The following PUDP variants were observed in gnomAD, a reference collection of about 807,000 sequenced individuals.
PUDP encodes pseudouridine-5'-phosphatase.
PUDP carries 8 observed loss-of-function variants against 9.4 expected under a neutral mutation model. That is an observed-to-expected ratio of 0.85 (90% CI 0.50 to 1.53). The LOEUF is 1.53. Ranked by LOEUF, PUDP falls within the 40% of genes most tolerant of loss-of-function variation. PUDP has a pLI of 0.00. For missense variants in PUDP, 188 were observed against 189.7 expected (o/e 0.99, Z 0.05); for synonymous variants, 99 against 80.7 (o/e 1.23, Z -1.22).
At chrX:6,980,677 A>C (rs1257208245) in intron 1 of PUDP, among the ~76,000 whole-genome samples, 6 of 111,014 alleles carry the variant, frequency 5.4e-5, no homozygotes, top group African/African-American at 1.3e-4. Flanking sequence ...AAAAAAAAAA[A>C]AACAACAAGA....
At chrX:7,069,612 G>C (rs1930670215) in intron 3 of PUDP, among the ~76,000 whole-genome samples, 1 of 110,905 alleles carries the variant, frequency 9.0e-6, no homozygotes, top group Non-Finnish European at 1.9e-5. Flanking sequence ...TGCCACAGTG[G>C]CATGAGGGTT....
At chrX:6,793,037 A>C (rs1178497635) in intron 3 of PUDP, among the ~76,000 whole-genome samples, 4 of 112,325 alleles carry the variant, frequency 3.6e-5, no homozygotes, top group Non-Finnish European at 7.5e-5. Context: ...GTAATTTATA[A>C]AGAGTAGAAA....
chrX:6,730,814 G>A (rs748371811), intron 3 of PUDP, among the ~76,000 whole-genome samples: 37 of 111,987 alleles, frequency 3.3e-4, no homozygotes, highest in Admixed American at 3.1e-3. Context: ...CTAGAAGTGA[G>A]GCACCAAGTG....
At chrX:7,025,970 G>T (rs1374669880) in intron 1 of PUDP, among the ~76,000 whole-genome samples, 2 of 112,302 alleles carry the variant, frequency 1.8e-5, no homozygotes, top group Non-Finnish European at 3.8e-5. Flanking sequence ...GAAAGGGAAG[G>T]TAGGCACACC....
chrX:7,144,960 T>C (rs1932833179), intron 1 of PUDP, among the ~76,000 whole-genome samples: 1 of 111,146 alleles, frequency 9.0e-6, no homozygotes, highest in African/African-American at 3.3e-5. Context: ...ACCCACCCTC[T>C]GCCTGACCCT....
intron 3 of PUDP, among the ~76,000 whole-genome samples, chrX:6,758,458 G>A (rs1233348740): frequency 1.8e-5 from 2 of 111,749 alleles, no homozygotes; most frequent in Non-Finnish European, 3.8e-5. Flanking sequence ...GCGAGACTCT[G>A]TCTCAAAACA....
At chrX:7,125,655 A>G (rs1286612994) in intron 1 of PUDP, among the ~76,000 whole-genome samples, 14 of 112,013 alleles carry the variant, frequency 1.2e-4, no homozygotes, top group Non-Finnish European at 2.1e-4. Context: ...GAGAATGGGT[A>G]ATTTATAAAG....
At chrX:7,068,629 C>A (rs764850533) in intron 3 of PUDP, among the ~76,000 whole-genome samples, 2 of 112,093 alleles carry the variant, frequency 1.8e-5, no homozygotes, top group Non-Finnish European at 3.8e-5. Context: ...TGGCTGCAGA[C>A]GGCATGTGAG....
chrX:7,119,686 C>T lies in PUDP; in HGVS notation c.62-13848G>A, dbSNP rs188150105. Among the ~76,000 whole-genome samples, 13 of 112,309 alleles carry T rather than the reference C, an allele frequency of 1.2e-4. No individual in the cohort carries two copies. The Admixed American group carries it at 1.2e-3, about 11-fold the overall frequency. The stretch of plus-strand genomic sequence containing the variant: ...ATTAGCATGTGGCATAATTCACAGG[C>T]ATTAGCAATTCTATTTAATAGGTAT... On this transcript the variant is annotated intron_variant, in intron 1 of 3. Coordinates refer to ENST00000381077, the MANE Select transcript of PUDP (RefSeq NM_012080.5).
intron 1 of PUDP, among the ~76,000 whole-genome samples, chrX:6,708,970 G>T (rs927199723): frequency 8.9e-6 from 1 of 112,095 alleles, no homozygotes; most frequent in Non-Finnish European, 1.9e-5. Flanking sequence ...GTGCTCACAG[G>T]TATATATATT....
intron 1 of PUDP, among the ~76,000 whole-genome samples, chrX:7,109,898 T>C (rs1370597137): frequency 8.9e-6 from 1 of 112,929 alleles, no homozygotes; most frequent in African/African-American, 3.2e-5. Flanking sequence ...GGTCATATTG[T>C]TTTTAACATG....
chrX:6,941,341 CTT>C (rs761887998), intron 3 of PUDP, among the ~76,000 whole-genome samples: 19 of 78,625 alleles, frequency 2.4e-4, no homozygotes, highest in African/African-American at 7.3e-4. Context: ...TCTTTTCTGT[CTT>C]TTTTTTTTTT....
rs1057426555 is a variant in PUDP, at chrX:6,753,054, G to C, written c.*248-46588C>G. Among the ~76,000 whole-genome samples the C allele has an allele frequency of 7.6e-4, 84 of 110,185 alleles. 1 individual carries two copies. Among genetic ancestry groups the C allele is most frequent in the African/African-American group, 2.7e-3 (82 of 30,162 alleles). ...TTACCTCTTTAGTGGTGATTTGTGA[G>C]ATTTCGGTGCCTCCATTACCCAAGC... is the stretch of plus-strand genomic sequence containing the variant. On this transcript the variant is annotated intron_variant and NMD_transcript_variant, in intron 3 of 3. Coordinates refer to the PUDP transcript ENST00000655425.
At chrX:6,787,463 A>C (rs773139000) in intron 3 of PUDP, among the ~76,000 whole-genome samples, 21 of 111,427 alleles carry the variant, frequency 1.9e-4, no homozygotes, top group Non-Finnish European at 3.4e-4. Context: ...GCTGAAGACA[A>C]TTTTCACATT....
chrX:6,885,422 A>G (rs1927407572), intron 3 of PUDP, among the ~76,000 whole-genome samples: 2 of 112,186 alleles, frequency 1.8e-5, no homozygotes, highest in African/African-American at 6.5e-5. Flanking sequence ...ACTTTGATGT[A>G]CCCGTGAGAA....
intron 3 of PUDP, among the ~76,000 whole-genome samples, chrX:7,060,028 G>C (rs912198791): frequency 1.8e-5 from 2 of 112,140 alleles, no homozygotes; most frequent in South Asian, 7.5e-4. Flanking sequence ...AGCTGTCTGT[G>C]TGGTGAGCAC....
chrX:6,747,112 C>T (rs1417655736), intron 3 of PUDP, among the ~76,000 whole-genome samples: 1 of 111,586 alleles, frequency 9.0e-6, no homozygotes, highest in Non-Finnish European at 1.9e-5. Context: ...GCCATTTTGA[C>T]GGGCATGATT....
intron 3 of PUDP, among the ~76,000 whole-genome samples, chrX:6,919,858 C>CAAAAAAAAAAAAAAAAAAAAAA (rs58441346): frequency 7.5e-5 from 2 of 26,501 alleles, no homozygotes; most frequent in African/African-American, 3.0e-4. Flanking sequence ...GACTCCATCT[C>CAAAAAAAAAAAAAAAAAAAAAA]AAAAAAAAAA....
At chrX:6,923,690 G>C (rs767320718) in intron 3 of PUDP, among the ~76,000 whole-genome samples, 1 of 111,206 alleles carries the variant, frequency 9.0e-6, no homozygotes, top group African/African-American at 3.3e-5. Context: ...AGTGTCTCCT[G>C]AGTGGTCTCT....
Sources: gnomAD v4.1 joint callset for allele counts (sites outside exome capture counted in the v4.1 genomes callset) on GRCh38, gnomAD v4.1.1 for gene constraint, MANE v1.5 for transcripts, NCBI Gene and HGNC (gene_info 2026-07-23, HGNC 2026-07-21) for gene names.